Variants in FRMPD4 observed in about 807,000 individuals in gnomAD.
The protein encoded by FRMPD4 is FERM and PDZ domain-containing protein 4.
A neutral mutation model predicts 94.1 loss-of-function variants in FRMPD4; 22 were observed. That is an observed-to-expected ratio of 0.23 (90% CI 0.17 to 0.33). FRMPD4 has a LOEUF of 0.33. Among genes scored for constraint, FRMPD4 ranks in the 10% least tolerant of loss-of-function variants. The pLI is 1.00. For missense variants in FRMPD4, 1,111 were observed against 1,339.9 expected, an observed-to-expected ratio of 0.83 and a Z score of 2.67; for synonymous variants, 631 against 548.6, an observed-to-expected ratio of 1.15 and a Z score of -2.10.
At chrX:12,020,573 C>T (rs1267087107) in intron 3 of FRMPD4, among the ~76,000 whole-genome samples, 1 of 111,804 alleles carries the variant, frequency 8.9e-6, no homozygotes, top group African/African-American at 3.3e-5. Context: ...AAATGGTGCA[C>T]ATTACTCTAC....
chrX:12,293,817 A>T (rs907576851), intron 1 of FRMPD4, among the ~76,000 whole-genome samples: 16 of 112,594 alleles, frequency 1.4e-4, no homozygotes, highest in African/African-American at 5.2e-4. Flanking sequence ...TTCTATATGT[A>T]AAGTTGATTA....
At chrX:12,331,410 G>A (rs1264763791) in intron 1 of FRMPD4, among the ~76,000 whole-genome samples, 1 of 103,096 alleles carries the variant, frequency 9.7e-6, no homozygotes, top group African/African-American at 3.5e-5. Flanking sequence ...GTGGAAAGCT[G>A]GTAAGCCTCT....
At chrX:12,422,751 T>C (rs372199993) in intron 1 of FRMPD4, among the ~76,000 whole-genome samples, 1 of 112,348 alleles carries the variant, frequency 8.9e-6, no homozygotes, top group African/African-American at 3.2e-5. Context: ...AATTCCACTC[T>C]GAAAGTAACC....
At chrX:12,322,124 A>G (rs930967605) in intron 1 of FRMPD4, among the ~76,000 whole-genome samples, 6 of 111,713 alleles carry the variant, frequency 5.4e-5, no homozygotes, top group Non-Finnish European at 1.1e-4. Flanking sequence ...AACTTGGAAT[A>G]TAAGCAGATC....
intron 2 of FRMPD4, among the ~76,000 whole-genome samples, chrX:12,577,579 A>G (rs1415498105): frequency 2.7e-5 from 3 of 111,096 alleles, no homozygotes; most frequent in African/African-American, 9.8e-5. Context: ...GTTATTAGTC[A>G]TTTAAACCCA....
intron 3 of FRMPD4, among the ~76,000 whole-genome samples, chrX:11,968,464 G>T (rs184946443): frequency 9.0e-6 from 1 of 111,473 alleles, no homozygotes; most frequent in Admixed American, 9.5e-5. Context: ...TTCAGTAGTG[G>T]CAGCCTGGAC....
intron 3 of FRMPD4, among the ~76,000 whole-genome samples, chrX:12,075,865 A>G (rs2055009199): frequency 8.9e-6 from 1 of 111,939 alleles, no homozygotes; most frequent in Non-Finnish European, 1.9e-5. Context: ...GACATTTCTC[A>G]CTTCACAAGT....
At chrX:12,429,658 G>T (rs143037324) in intron 1 of FRMPD4, among the ~76,000 whole-genome samples, 34 of 112,224 alleles carry the variant, frequency 3.0e-4, no homozygotes, top group African/African-American at 1.1e-3. Context: ...AGGGTGTAAT[G>T]TCTTTCCCCT....
intron 3 of FRMPD4, among the ~76,000 whole-genome samples, chrX:12,088,457 G>A (rs907044921): frequency 6.3e-5 from 7 of 111,889 alleles, no homozygotes; most frequent in Non-Finnish European, 1.3e-4. Context: ...ACCTCAACTC[G>A]GAATTGGTGG....
intron 3 of FRMPD4, among the ~76,000 whole-genome samples, chrX:11,967,007 T>A (rs955989641): frequency 8.9e-6 from 1 of 112,332 alleles, no homozygotes; most frequent in African/African-American, 3.2e-5. Flanking sequence ...TGAGTTTTAA[T>A]CCTTTATCTA....
intron 1 of FRMPD4, among the ~76,000 whole-genome samples, chrX:12,455,115 G>A (rs995793110): frequency 2.7e-5 from 3 of 110,770 alleles, no homozygotes; most frequent in Non-Finnish European, 5.7e-5. Flanking sequence ...GCTGGGTGAA[G>A]GGCATGCAGG....
intron 13 of FRMPD4, among the ~76,000 whole-genome samples, chrX:12,709,370 C>T (rs2147154157): frequency 8.9e-6 from 1 of 112,074 alleles, no homozygotes; most frequent in South Asian, 3.8e-4. Context: ...CTCTCACTCA[C>T]TTTTTCTCTT....
intron 1 of FRMPD4, among the ~76,000 whole-genome samples, chrX:11,825,659 C>T (rs938718914): frequency 9.1e-6 from 1 of 110,438 alleles, no homozygotes; most frequent in Non-Finnish European, 1.9e-5. Context: ...ATATACCGCA[C>T]CCCCCCACCA....
intron 2 of FRMPD4, among the ~76,000 whole-genome samples, chrX:12,545,178 C>A (rs773987035): frequency 1.8e-5 from 2 of 111,924 alleles, no homozygotes; most frequent in Non-Finnish European, 3.8e-5. Context: ...ACCCGCCACC[C>A]GTGGGCCACA....
chrX:12,678,580 C>A (rs375406741), intron 5 of FRMPD4, among the ~76,000 whole-genome samples: 1 of 112,244 alleles, frequency 8.9e-6, no homozygotes, highest in Admixed American at 9.4e-5. Flanking sequence ...AATCCCAGCA[C>A]TTTGGGAGGC....
upstream of FRMPD4, among the ~76,000 whole-genome samples, chrX:12,135,989 G>A: frequency 9.0e-6 from 1 of 111,330 alleles, no homozygotes; most frequent in Non-Finnish European, 1.9e-5. Flanking sequence ...AAAGGTGAAG[G>A]GGGAAAATAA....
At chrX:11,976,146 C>T in intron 3 of FRMPD4, among the ~76,000 whole-genome samples, 1 of 111,468 alleles carries the variant, frequency 9.0e-6, no homozygotes, top group African/African-American at 3.3e-5. Flanking sequence ...CTCTTTTCTC[C>T]CGTTAATCCT....
chrX:12,334,265 A>G (rs769467289), intron 1 of FRMPD4, among the ~76,000 whole-genome samples: 2 of 111,335 alleles, frequency 1.8e-5, no homozygotes, highest in Non-Finnish European at 3.8e-5. Flanking sequence ...AGGTAATGAG[A>G]GTCAACCTAG....
At chrX:11,848,317 C>T (rs1601802131) in intron 1 of FRMPD4, among the ~76,000 whole-genome samples, 1 of 111,157 alleles carries the variant, frequency 9.0e-6, no homozygotes, top group African/African-American at 3.3e-5. Context: ...TGTTTTTCCC[C>T]TCATTTTAAC....
Sources: allele counts gnomAD v4.1 joint callset (sites outside exome capture counted in the v4.1 genomes callset), GRCh38; gene constraint gnomAD v4.1.1; transcripts MANE v1.5; gene names NCBI Gene and HGNC (gene_info 2026-07-23, HGNC 2026-07-21).